Variants in HS6ST2 observed in about 807,000 individuals in gnomAD.
HS6ST2 encodes the protein heparan sulfate 6-O-sulfotransferase 2, also known as heparan-sulfate 6-O-sulfotransferase 2.
A neutral mutation model predicts 33.0 loss-of-function variants in HS6ST2; 17 were observed. The ratio of observed to expected loss-of-function variants is 0.52; its 90% confidence interval spans 0.35 to 0.77. HS6ST2 has a LOEUF of 0.77. Among genes scored for constraint, HS6ST2 ranks in the 30% least tolerant of loss-of-function variants. The pLI, the probability that HS6ST2 is intolerant of heterozygous loss-of-function variation, is 0.01. For synonymous variants in HS6ST2, 248 were observed against 237.1 expected (o/e 1.05, Z -0.42); for missense variants, 519 against 551.7 (o/e 0.94, Z 0.59).
chrX:132,769,119 C>T (rs973383778), intron 2 of HS6ST2, among the ~76,000 whole-genome samples: 6 of 111,694 alleles, frequency 5.4e-5, no homozygotes, highest in Non-Finnish European at 9.4e-5. Context: ...TCCCTTTCCT[C>T]GGGGTGAGCT....
rs755217992 is a variant in HS6ST2, at chrX:132,862,786, G to T, written c.947+94022C>A. Among the ~76,000 whole-genome samples the T allele has an allele frequency of 7.1e-5, 8 of 111,990 alleles. No individual in the cohort carries two copies. The Admixed American group carries it at 7.6e-4, about 11-fold the overall frequency. On this transcript the variant is annotated intron_variant, in intron 2 of 4. Transcript: ENST00000370833. ...TGCCGTGACAACTAAATATTTCATG[G>T]AAAGCACTTAGTACACAATCTAGCA...
In HS6ST2 at chrX:132,696,384, C is replaced by T. The variant is rs116145170; in HGVS notation, c.980+12078G>A. 3.4e-3 allele frequency among the ~76,000 whole-genome samples: 375 copies of T among 111,706 alleles called. 2 individuals are homozygous for T. Among genetic ancestry groups the T allele is most frequent in the African/African-American group, 0.011 (352 of 30,735 alleles). ...TATAGAGTCATATTCTAGTCCATCCCTTCATCTTACACATGAAGAAACCAA... is the reference window on the plus strand; with the variant it reads ...TATAGAGTCATATTCTAGTCCATCCTTTCATCTTACACATGAAGAAACCAA... On this transcript the variant is annotated intron_variant, in intron 3 of 4. Coordinates refer to ENST00000370833, the MANE Select transcript of HS6ST2 (RefSeq NM_001394073.1).
chrX:132,792,618 T>C (rs998056196), intron 2 of HS6ST2, among the ~76,000 whole-genome samples: 3 of 112,005 alleles, frequency 2.7e-5, no homozygotes, highest in Non-Finnish European at 5.6e-5. Context: ...TTTTAACACC[T>C]CAAATAGAAA....
At chrX:132,772,612 A>C (rs1305987764) in intron 2 of HS6ST2, among the ~76,000 whole-genome samples, 1 of 101,828 alleles carries the variant, frequency 9.8e-6, no homozygotes, top group Non-Finnish European at 1.9e-5. Flanking sequence ...TACACAATAT[A>C]AATAATTGTA....
intron 2 of HS6ST2, among the ~76,000 whole-genome samples, chrX:132,714,827 C>T (rs1476395628): frequency 9.0e-6 from 1 of 111,528 alleles, no homozygotes; most frequent in Non-Finnish European, 1.9e-5. Context: ...ACACTGGCTC[C>T]TCAGGGAAGG....
Position 132,626,180 on chromosome X carries a change from T to C in HS6ST2, c.*2043A>G, listed in dbSNP as rs2063480104. 1 of 112,504 alleles carries C rather than the reference T, an allele frequency of 8.9e-6. No individual in the cohort carries two copies. The highest frequency in any genetic ancestry group is 3.7e-4 in the South Asian group (1 of 2,727). The allele number at this position is 112,504 out of a possible 1,213,427, so 9.3% of individuals were successfully genotyped here. A position where few individuals can be genotyped will look rare whatever the true frequency, so the allele number is the denominator to read the frequency against. ...AACATCCTCTATATACAATAATCAGTATAGACAGAGAAAATGCACTTAATC... is the reference window on the plus strand; with the variant it reads ...AACATCCTCTATATACAATAATCAGCATAGACAGAGAAAATGCACTTAATC... On this transcript the variant is annotated 3_prime_UTR_variant, in exon 5 of 5. Transcript: ENST00000370833.
At chrX:132,804,063 T>C (rs148481959) in intron 2 of HS6ST2, among the ~76,000 whole-genome samples, 135 of 112,274 alleles carry the variant, frequency 1.2e-3, no homozygotes, top group African/African-American at 4.1e-3. Flanking sequence ...TGATAATTTA[T>C]ATATGAAAAT....
intron 2 of HS6ST2, among the ~76,000 whole-genome samples, chrX:132,778,657 G>C (rs1260686981): frequency 9.0e-6 from 1 of 110,605 alleles, no homozygotes; most frequent in Non-Finnish European, 1.9e-5. Context: ...GCCCGCCTCA[G>C]CCTCCCAAAG....
At chrX:132,938,577 G>A (rs754941075) in intron 2 of HS6ST2, among the ~76,000 whole-genome samples, 8 of 110,442 alleles carry the variant, frequency 7.2e-5, no homozygotes, top group Non-Finnish European at 1.3e-4. Flanking sequence ...AGGAGGTTGA[G>A]GGTGCAGTGA....
intron 2 of HS6ST2, among the ~76,000 whole-genome samples, chrX:132,846,798 G>T (rs1270726683): frequency 1.8e-5 from 2 of 110,091 alleles, no homozygotes; most frequent in African/African-American, 6.6e-5. Flanking sequence ...AATCTAATTG[G>T]GTGGGAGAAG....
intron 3 of HS6ST2, among the ~76,000 whole-genome samples, chrX:132,695,940 G>A (rs1485051409): frequency 8.9e-6 from 1 of 111,800 alleles, no homozygotes; most frequent in African/African-American, 3.3e-5. Flanking sequence ...AGTGTTAAGA[G>A]TTAGAAGAGT....
At chrX:132,848,521 C>T (rs1270299796) in intron 2 of HS6ST2, among the ~76,000 whole-genome samples, 1 of 112,491 alleles carries the variant, frequency 8.9e-6, no homozygotes, top group Non-Finnish European at 1.9e-5. Flanking sequence ...GCCTCAGTGG[C>T]GCTCAGCACA....
chrX:132,734,933 G>C (rs909596723), intron 2 of HS6ST2, among the ~76,000 whole-genome samples: 1 of 109,531 alleles, frequency 9.1e-6, no homozygotes, highest in Non-Finnish European at 1.9e-5. Flanking sequence ...CTAGAGATCA[G>C]TACAGCTACA....
chrX:132,764,017 T>C (rs2064824295), intron 2 of HS6ST2, among the ~76,000 whole-genome samples: 1 of 112,370 alleles, frequency 8.9e-6, no homozygotes, highest in Non-Finnish European at 1.9e-5. Context: ...CATCAGAATG[T>C]ATCTTTGTTC....
rs761080949 is a variant in HS6ST2, at chrX:132,669,218, T to C, written c.981-19A>G. On this transcript the variant is annotated intron_variant, in intron 3 of 4. Coordinates refer to ENST00000370833, the MANE Select transcript of HS6ST2 (RefSeq NM_001394073.1). ...ATCCTTACTATACCCACAGAAAGAA[T>C]AGAAAACATATACACAACAAGGACC... 1.4e-5 allele frequency: 16 copies of C among 1,178,499 alleles called. No individual in the cohort carries two copies. The highest frequency in any genetic ancestry group is 1.6e-5 in the Non-Finnish European group (14 of 871,369).
chrX:132,749,867 A>T (rs1367538404), intron 2 of HS6ST2, among the ~76,000 whole-genome samples: 1 of 111,190 alleles, frequency 9.0e-6, no homozygotes, highest in Admixed American at 9.6e-5. Context: ...ATTCGAAGTG[A>T]TTCTATAAGG....
intron 2 of HS6ST2, among the ~76,000 whole-genome samples, chrX:132,887,052 T>C (rs1484098300): frequency 2.7e-5 from 3 of 110,625 alleles, no homozygotes; most frequent in Non-Finnish European, 5.7e-5. Flanking sequence ...GGAGAATTGC[T>C]TGAACCTGGG....
At position 132,887,133 on chromosome X, in the gene HS6ST2, C is replaced by CA. The variant is rs111790744; in HGVS notation, c.947+69674dup. Among the ~76,000 whole-genome samples, 707 of 86,707 alleles carry CA rather than the reference C, an allele frequency of 8.2e-3. 8 individuals are homozygous for CA. The highest frequency in any genetic ancestry group is 0.026 in the African/African-American group (615 of 23,552). The allele number at this position is 86,707 out of a possible 115,157, so 75.3% of individuals were successfully genotyped here. A position where few individuals can be genotyped will look rare whatever the true frequency, so the allele number is the denominator to read the frequency against. ...TTGGTGACAGAGCAAGACTCTGTCTCAAAAAAAAAAAATGCTGAAAGATGA... is the reference window on the plus strand; with the variant it reads ...TTGGTGACAGAGCAAGACTCTGTCTCAAAAAAAAAAAAATGCTGAAAGATGA... On this transcript the variant is annotated intron_variant, in intron 2 of 4. Transcript: ENST00000370833.
intron 3 of HS6ST2, among the ~76,000 whole-genome samples, chrX:132,690,666 TC>T (rs1232009863): frequency 8.9e-6 from 1 of 112,413 alleles, no homozygotes; most frequent in Non-Finnish European, 1.9e-5. Flanking sequence ...TGACTTTAAA[TC>T]TTCCATTGAT....
Sources: allele counts gnomAD v4.1 joint callset (sites outside exome capture counted in the v4.1 genomes callset), GRCh38; gene constraint gnomAD v4.1.1; transcripts MANE v1.5; gene names NCBI Gene and HGNC (gene_info 2026-07-23, HGNC 2026-07-21).